Variants in ENAH observed in about 807,000 individuals in gnomAD.
The protein encoded by ENAH is protein enabled homolog.
ENAH carries 23 observed loss-of-function variants against 78.7 expected under a neutral mutation model. The ratio of observed to expected loss-of-function variants is 0.29; its 90% confidence interval spans 0.21 to 0.41. The LOEUF (loss-of-function observed/expected upper bound fraction) is 0.41, where lower values mean the gene tolerates loss of function less well. Ranked by LOEUF, ENAH falls within the 10% of genes least tolerant of loss-of-function variation. The pLI is 1.00. For missense variants in ENAH, 544 were observed against 691.0 expected (o/e 0.79, Z 2.39); for synonymous variants, 226 against 241.0 (o/e 0.94, Z 0.58).
chr1:225,552,237 C>T (rs2096644642), intron 3 of ENAH, among the ~76,000 whole-genome samples: 1 of 149,370 alleles, frequency 6.7e-6, no homozygotes, highest in South Asian at 2.1e-4. Context: ...CCCGGGTTCA[C>T]ACCATTCTCC....
chr1:225,520,014 C>A (rs2096454785), intron 4 of ENAH, among the ~76,000 whole-genome samples: 1 of 152,054 alleles, frequency 6.6e-6, no homozygotes, highest in Non-Finnish European at 1.5e-5. Context: ...ACTGAATGGG[C>A]CAGGTGTAGT....
intron 1 of ENAH, among the ~76,000 whole-genome samples, chr1:225,649,831 T>C (rs1662638682): frequency 6.6e-6 from 1 of 152,188 alleles, no homozygotes. Flanking sequence ...CACTAATAGT[T>C]ATACCGTAAT....
intron 1 of ENAH, among the ~76,000 whole-genome samples, chr1:225,609,400 T>C (rs895222656): frequency 2.0e-5 from 3 of 151,992 alleles, no homozygotes; most frequent in Non-Finnish European, 2.9e-5. Flanking sequence ...TGAATAGTTA[T>C]ATAAACTTTG....
chr1:225,634,954 G>A (rs552873221), intron 1 of ENAH, among the ~76,000 whole-genome samples: 25 of 152,298 alleles, frequency 1.6e-4, no homozygotes, highest in African/African-American at 6.0e-4. Flanking sequence ...ACGCCATTGG[G>A]ATTTTGATAA....
In ENAH at chr1:225,498,271, C is replaced by T. The variant is rs1040178865; in HGVS notation, c.1675+76G>A. On this transcript the variant is annotated intron_variant, in intron 13 of 13. Transcript: ENST00000366843. ...CCTCAACTAATCAGCTGGGTATTTC[C>T]TTATTTGCATTTTCTTAAAAATGGT... is the stretch of plus-strand genomic sequence containing the variant. 1.1e-5 allele frequency: 14 copies of T among 1,218,134 alleles called. No homozygotes were observed. The Admixed American group carries it at 2.8e-4, about 24-fold the overall frequency. 75.5% of individuals were successfully genotyped at this position (1,218,134 alleles called of 1,614,324 possible).
chr1:225,648,071 C>T (rs892476158), intron 1 of ENAH, among the ~76,000 whole-genome samples: 1 of 152,162 alleles, frequency 6.6e-6, no homozygotes, highest in Non-Finnish European at 1.5e-5. Flanking sequence ...GACAAGGAGT[C>T]CCCTTCTTGT....
At chr1:225,639,419 G>A (rs532472948) in intron 1 of ENAH, among the ~76,000 whole-genome samples, 13 of 152,198 alleles carry the variant, frequency 8.5e-5, no homozygotes, top group African/African-American at 1.4e-4. Flanking sequence ...GAAGTGATTC[G>A]GCCATGGGCA....
chr1:225,522,039 C>G (rs993023682), intron 4 of ENAH, among the ~76,000 whole-genome samples: 1 of 152,180 alleles, frequency 6.6e-6, no homozygotes, highest in African/African-American at 2.4e-5. Flanking sequence ...TCATGATCCA[C>G]CCGCCTTGGC....
Position 225,514,582 on chromosome 1 carries a change from A to G in ENAH, c.1218+14T>C, listed in dbSNP as rs1020325685. On this transcript the variant is annotated intron_variant, in intron 7 of 13. Transcript: ENST00000366843. ...ATAAGACATATTAAAAAAATTTTTCAGAAAGGTATTTACCCGTGACACTTT... is the reference window on the plus strand; with the variant it reads ...ATAAGACATATTAAAAAAATTTTTCGGAAAGGTATTTACCCGTGACACTTT... 6.2e-7 allele frequency: 1 copy of G among 1,608,244 alleles called. No individual in the cohort carries two copies. The highest frequency in any genetic ancestry group is 8.5e-7 in the Non-Finnish European group (1 of 1,177,532).
chr1:225,565,391 C>T (rs189551920), intron 2 of ENAH, among the ~76,000 whole-genome samples: 88 of 151,992 alleles, frequency 5.8e-4, no homozygotes, highest in Non-Finnish European at 8.7e-4. Context: ...GCCACAATCA[C>T]GCCATTGCAC....
chr1:225,615,576 G>T (rs941993746), intron 1 of ENAH, among the ~76,000 whole-genome samples: 3 of 151,798 alleles, frequency 2.0e-5, no homozygotes, highest in Admixed American at 2.0e-4. Context: ...CTTCCCGGCT[G>T]CCAGCCCGTC....
At chr1:225,571,277 G>A (rs2151539744) in intron 1 of ENAH, among the ~76,000 whole-genome samples, 1 of 152,106 alleles carries the variant, frequency 6.6e-6, no homozygotes, top group Admixed American at 6.5e-5. Context: ...AGTGGCTGAA[G>A]CACAAGAATC....
chr1:225,569,091 G>A (rs919455726), intron 1 of ENAH, among the ~76,000 whole-genome samples: 1 of 152,174 alleles, frequency 6.6e-6, no homozygotes, highest in South Asian at 2.1e-4. Flanking sequence ...ATTCACAACA[G>A]AAATATTTTG....
intron 1 of ENAH, among the ~76,000 whole-genome samples, chr1:225,630,877 T>C (rs1033056119): frequency 1.3e-5 from 2 of 152,186 alleles, no homozygotes; most frequent in Non-Finnish European, 2.9e-5. Flanking sequence ...GTTGGCAATA[T>C]TACCCCTGTT....
intron 1 of ENAH, among the ~76,000 whole-genome samples, chr1:225,640,758 C>A (rs1408588735): frequency 6.6e-6 from 1 of 152,042 alleles, no homozygotes; most frequent in Non-Finnish European, 1.5e-5. Context: ...AGTAAGTACT[C>A]AATAACAGCG....
intron 5 of ENAH, 111 bp downstream of exon 5, chr1:225,519,087 T>C (rs913886017): frequency 1.2e-5 from 17 of 1,463,272 alleles, no homozygotes; most frequent in Non-Finnish European, 1.6e-5. Context: ...TTTCAAATTG[T>C]ATGGCTTAAT....
At chr1:225,645,347 G>C (rs1450313320) in intron 1 of ENAH, among the ~76,000 whole-genome samples, 1 of 152,052 alleles carries the variant, frequency 6.6e-6, no homozygotes, top group African/African-American at 2.4e-5. Context: ...TTCCATCTAC[G>C]CTGTGGCATG....
At position 225,490,037 on chromosome 1, in the gene ENAH, T is replaced by C. The variant is rs1414060230; in HGVS notation, c.*7738A>G. The C allele has an allele frequency of 6.6e-6, 1 of 151,846 alleles. No individual in the cohort carries two copies. The highest frequency in any genetic ancestry group is 1.5e-5 in the Non-Finnish European group (1 of 67,986). The allele number at this position is 151,846 out of a possible 1,614,324, so 9.4% of individuals were successfully genotyped here. On this transcript the variant is annotated 3_prime_UTR_variant, in exon 14 of 14. Transcript: ENST00000366843. ...AAAAATAAAAACAAAACAAAAAGAA[T>C]TTAAAAAAAGAACTCAACTTTAGAG...
chr1:225,588,737 G>A (rs1026207070), intron 1 of ENAH, among the ~76,000 whole-genome samples: 1 of 150,990 alleles, frequency 6.6e-6, no homozygotes, highest in Non-Finnish European at 1.5e-5. Context: ...CATGGGAGGC[G>A]GAGGTTGCAG....
Sources: allele counts gnomAD v4.1 joint callset (sites outside exome capture counted in the v4.1 genomes callset), GRCh38; gene constraint gnomAD v4.1.1; transcripts MANE v1.5; gene names NCBI Gene and HGNC (gene_info 2026-07-23, HGNC 2026-07-21).